Variants in WDR4 observed in about 807,000 individuals in gnomAD.
WDR4 encodes the protein WDR4 tRNA N7-guanosine methyltransferase non-catalytic subunit, also known as tRNA (guanine-N(7)-)-methyltransferase non-catalytic subunit WDR4.
In WDR4, 47 loss-of-function variants were observed where a neutral mutation model predicts 48.6. The ratio of observed to expected loss-of-function variants is 0.97; its 90% CI spans 0.77 to 1.23. The LOEUF (loss-of-function observed/expected upper bound fraction) is 1.23. WDR4 is among the 50% of genes most tolerant of loss of function. The pLI, the probability that WDR4 is intolerant of heterozygous loss-of-function variation, is 0.00. For missense variants in WDR4, 606 were observed against 551.6 expected, an observed-to-expected ratio of 1.10 and a Z score of -0.99; for synonymous variants, 268 against 230.0, an observed-to-expected ratio of 1.17 and a Z score of -1.49.
chr21:42,850,257 C>T lies in WDR4; in HGVS notation c.1046-15G>A, dbSNP rs1336865171. ...GCCGGCAGAGCCTGTGATGGGGGAACAAGGACAGGTGCCAGGTGGGGCAGG... is the reference window on the plus strand; with the variant it reads ...GCCGGCAGAGCCTGTGATGGGGGAATAAGGACAGGTGCCAGGTGGGGCAGG... On this transcript the variant is annotated splice_polypyrimidine_tract_variant and intron_variant, in intron 10 of 10. Coordinates refer to ENST00000398208, the MANE Select transcript of WDR4 (RefSeq NM_018669.6). The T allele has an allele frequency of 1.3e-6, 2 of 1,578,434 alleles. No individual in the cohort carries two copies. The highest frequency in any genetic ancestry group is 1.7e-6 in the Non-Finnish European group (2 of 1,161,800).
chr21:42,876,581 T>C, intron 2 of WDR4, 121 bp downstream of exon 2: 1 of 898,442 alleles, frequency 1.1e-6, no homozygotes, highest in Non-Finnish European at 1.7e-6. Context: ...GCTACTTATC[T>C]GCACCACTGT....
At chr21:42,859,193 G>A (rs993774549) in intron 6 of WDR4, among the ~76,000 whole-genome samples, 10 of 151,768 alleles carry the variant, frequency 6.6e-5, no homozygotes, top group African/African-American at 2.2e-4. Flanking sequence ...GAGGCAGATC[G>A]CTTGAGCCCA....
At chr21:42,884,333 G>A (rs1230589457), upstream of WDR4, among the ~76,000 whole-genome samples, 1 of 152,110 alleles carries the variant, frequency 6.6e-6, no homozygotes, top group Non-Finnish European at 1.5e-5. Flanking sequence ...GGGAGGTAGA[G>A]GTTGCAATGA....
chr21:42,877,758 T>C (rs933994016), intron 1 of WDR4, among the ~76,000 whole-genome samples: 11 of 152,154 alleles, frequency 7.2e-5, no homozygotes, highest in Admixed American at 7.2e-4. Flanking sequence ...TTATAAGAAA[T>C]TACGGGCCGG....
chr21:42,848,789 T>C (rs1602679595), downstream of WDR4, among the ~76,000 whole-genome samples: 1 of 42,654 alleles, frequency 2.3e-5, no homozygotes, highest in Non-Finnish European at 4.0e-5. Context: ...CAGCACACGA[T>C]CACGCGGCGC....
intron 5 of WDR4, among the ~76,000 whole-genome samples, chr21:42,860,899 CAACT>C (rs2058098769): frequency 6.6e-6 from 1 of 152,196 alleles, no homozygotes; most frequent in Admixed American, 6.5e-5. Flanking sequence ...GCCAGTGAAC[CAACT>C]GATACTGCAA....
chr21:42,844,615 G>T (rs536238524), downstream of WDR4, among the ~76,000 whole-genome samples: 132 of 152,334 alleles, frequency 8.7e-4, no homozygotes, highest in African/African-American at 3.0e-3. Context: ...TGACCTGAGT[G>T]GGGCTATGAT....
At chr21:42,877,808 G>A (rs2058531856) in intron 1 of WDR4, among the ~76,000 whole-genome samples, 1 of 152,104 alleles carries the variant, frequency 6.6e-6, no homozygotes, top group South Asian at 2.1e-4. Flanking sequence ...ACTTTGGGAG[G>A]CCGAGATGGG....
In WDR4 at chr21:42,862,185, G is replaced by C. The variant is rs1385959455; in HGVS notation, c.566+97C>G. 1 of 1,141,584 alleles carries C rather than the reference G, an allele frequency of 8.8e-7. No individual in the cohort carries two copies. Among genetic ancestry groups the C allele is most frequent in the Non-Finnish European group, 1.2e-6 (1 of 804,050 alleles). 70.7% of individuals were successfully genotyped at this position (1,141,584 alleles called of 1,614,324 possible). The stretch of plus-strand genomic sequence containing the variant: ...CACGGGGGCTGCTGTCACCCGCGTG[G>C]GGCCTCGCCAGCTACAACGGCACCT... On this transcript the variant is annotated intron_variant, in intron 5 of 10. Coordinates refer to ENST00000398208, the MANE Select transcript of WDR4 (RefSeq NM_018669.6). The surrounding 1 kb of genome is among the most constrained non-coding windows in gnomAD (Gnocchi z 4.3).
At chr21:42,871,848 A>G (rs903800374) in intron 3 of WDR4, among the ~76,000 whole-genome samples, 1 of 152,246 alleles carries the variant, frequency 6.6e-6, no homozygotes. Context: ...TCACATATAC[A>G]TAAAAACATA....
chr21:42,892,690 G>A, the WDR4 span, among the ~76,000 whole-genome samples: 1 of 152,278 alleles, frequency 6.6e-6, no homozygotes, highest in South Asian at 2.1e-4. Context: ...CGTTGGGGAC[G>A]AACTCTTTGC....
At chr21:42,892,267 A>C in the WDR4 span, among the ~76,000 whole-genome samples, 8 of 98,048 alleles carry the variant, frequency 8.2e-5, no homozygotes, top group African/African-American at 3.3e-4. Flanking sequence ...AAAAAAAAAA[A>C]AATTTAAACA....
chr21:42,872,538 G>A (rs1269921704), intron 3 of WDR4, among the ~76,000 whole-genome samples: 3 of 151,368 alleles, frequency 2.0e-5, no homozygotes, highest in Non-Finnish European at 4.4e-5. Flanking sequence ...TTGAAACTGG[G>A]AGGCGGAGGC....
chr21:42,845,985 T>C (rs2057708132), downstream of WDR4, among the ~76,000 whole-genome samples: 1 of 151,846 alleles, frequency 6.6e-6, no homozygotes, highest in East Asian at 1.9e-4. Flanking sequence ...CTACAAAAAT[T>C]AGCCAGCACG....
chr21:42,856,959 C>T (rs2058008799), intron 6 of WDR4, among the ~76,000 whole-genome samples: 1 of 152,160 alleles, frequency 6.6e-6, no homozygotes, highest in Non-Finnish European at 1.5e-5. Flanking sequence ...GAGAAGGCAG[C>T]CGCGGAGAGA....
At chr21:42,878,993 A>C in intron 1 of WDR4, 1 of 1,007,932 alleles carries the variant, frequency 9.9e-7, no homozygotes, top group Non-Finnish European at 1.2e-6. Context: ...CCTTCTCACC[A>C]GGGAGACCCG....
At chr21:42,852,016 A>T (rs2057842728) in intron 10 of WDR4, among the ~76,000 whole-genome samples, 1 of 152,092 alleles carries the variant, frequency 6.6e-6, no homozygotes, top group Non-Finnish European at 1.5e-5. Flanking sequence ...AGGTGCTCAG[A>T]CCCTGAGCCC....
downstream of WDR4, among the ~76,000 whole-genome samples, chr21:42,844,425 C>T (rs1465058613): frequency 6.6e-6 from 1 of 152,184 alleles, no homozygotes; most frequent in East Asian, 1.9e-4. Flanking sequence ...AAACATTTAA[C>T]ACGAAGAATG....
chr21:42,844,503 C>T (rs1395475886), downstream of WDR4, among the ~76,000 whole-genome samples: 2 of 152,174 alleles, frequency 1.3e-5, no homozygotes, highest in African/African-American at 4.8e-5. Flanking sequence ...GCTGAGGCCT[C>T]GGGAGAACCT....
Sources: allele counts gnomAD v4.1 joint callset (sites outside exome capture counted in the v4.1 genomes callset), GRCh38; gene constraint gnomAD v4.1.1; non-coding constraint Gnocchi (gnomAD v3.1); transcripts MANE v1.5; gene names NCBI Gene and HGNC (gene_info 2026-07-23, HGNC 2026-07-21).